The following RASSF3 variants were observed in gnomAD, a reference collection of about 807,000 sequenced individuals.
The protein encoded by RASSF3 is ras association domain-containing protein 3.
A neutral mutation model predicts 19.9 loss-of-function variants in RASSF3; 19 were observed. The observed-to-expected ratio is 0.96, with a 90% CI of 0.67 to 1.40. The LOEUF is 1.40. Ranked by LOEUF, RASSF3 falls within the 40% of genes most tolerant of loss-of-function variation. The probability of loss-of-function intolerance (pLI) is 0.00; values close to 1 mark genes in which losing one functional copy is unlikely to be tolerated. For missense variants in RASSF3, 306 were observed against 289.8 expected, an observed-to-expected ratio of 1.06 and a Z score of -0.41; for synonymous variants, 110 against 104.2, an observed-to-expected ratio of 1.06 and a Z score of -0.34.
chr12:64,508,385 C>T (rs1247318556), intron 1 of RASSF3, among the ~76,000 whole-genome samples: 2 of 151,556 alleles, frequency 1.3e-5, no homozygotes, highest in Admixed American at 6.6e-5. Flanking sequence ...GGCATGGTGG[C>T]TGGTGCCTGT....
chr12:64,539,661 A>G (rs949411186), intron 1 of RASSF3, among the ~76,000 whole-genome samples: 2 of 152,082 alleles, frequency 1.3e-5, no homozygotes, highest in Non-Finnish European at 2.9e-5. Flanking sequence ...CTGTAGTCAC[A>G]GCTACTTCAG....
intron 1 of RASSF3, among the ~76,000 whole-genome samples, chr12:64,664,314 T>A (rs1872475661): frequency 1.3e-5 from 2 of 152,176 alleles, no homozygotes; most frequent in Non-Finnish European, 2.9e-5. Flanking sequence ...ATGCTGCATT[T>A]CAGAAGTATT....
chr12:64,687,488 T>G (rs983087655), intron 2 of RASSF3, among the ~76,000 whole-genome samples: 4 of 151,898 alleles, frequency 2.6e-5, no homozygotes, highest in Non-Finnish European at 5.9e-5. Flanking sequence ...TTTGTTTTTT[T>G]TTTTGAGACA....
chr12:64,643,656 C>G (rs1265477946), intron 1 of RASSF3, among the ~76,000 whole-genome samples: 2 of 151,988 alleles, frequency 1.3e-5, no homozygotes. Context: ...CCGGAATGAT[C>G]TACTCTGGGT....
chr12:64,542,706 A>G (rs1245650588), downstream of RASSF3, among the ~76,000 whole-genome samples: 1 of 152,240 alleles, frequency 6.6e-6, no homozygotes, highest in East Asian at 1.9e-4. Context: ...CCTGAGCAAC[A>G]TGGCAAAACC....
At chr12:64,686,103 A>G (rs1398309082) in intron 2 of RASSF3, among the ~76,000 whole-genome samples, 5 of 152,174 alleles carry the variant, frequency 3.3e-5, no homozygotes, top group Non-Finnish European at 5.9e-5. Context: ...GAGAATCCCA[A>G]GATAACTCTT....
intron 4 of RASSF3, among the ~76,000 whole-genome samples, chr12:64,692,778 C>T (rs775787224): frequency 3.3e-5 from 5 of 152,148 alleles, no homozygotes; most frequent in Admixed American, 2.0e-4. Context: ...GGTCTCACTA[C>T]GTTGCCCAAG....
chr12:64,675,072 T>G (rs1178873699), intron 1 of RASSF3, among the ~76,000 whole-genome samples: 1 of 53,022 alleles, frequency 1.9e-5, no homozygotes, highest in Non-Finnish European at 3.8e-5. Context: ...CACCCCGGCT[T>G]CTTGCTTAAC....
In RASSF3 at chr12:64,631,307, C is replaced by T. The variant is rs140875067; in HGVS notation, c.111+20564C>T. Among the ~76,000 whole-genome samples, 509 of 152,176 alleles carry T rather than the reference C, an allele frequency of 3.3e-3. 5 individuals are homozygous for T. The highest frequency in any genetic ancestry group is 0.012 in the African/African-American group (488 of 41,520). ...AAGTGCTTCAGAAAAGCCAAGAAGG[C>T]CTGGGGTGGAACTGTGTGGCAGTCT... On this transcript the variant is annotated intron_variant, in intron 1 of 4. Coordinates refer to ENST00000542104, the MANE Select transcript of RASSF3 (RefSeq NM_178169.4).
intron 1 of RASSF3, among the ~76,000 whole-genome samples, chr12:64,541,073 C>T (rs557883245): frequency 8.6e-4 from 128 of 148,808 alleles, no homozygotes; most frequent in African/African-American, 3.0e-3. Flanking sequence ...GGAACCTCCA[C>T]CTCCCAGGTT....
intron 1 of RASSF3, among the ~76,000 whole-genome samples, chr12:64,682,594 G>A (rs1207795308): frequency 2.7e-5 from 4 of 150,430 alleles, no homozygotes; most frequent in African/African-American, 9.8e-5. Flanking sequence ...AAAAGTCACC[G>A]AGATAATTTG....
chr12:64,517,654 T>C (rs536088755), intron 1 of RASSF3, among the ~76,000 whole-genome samples: 31 of 151,836 alleles, frequency 2.0e-4, no homozygotes, highest in African/African-American at 6.8e-4. Context: ...GGTCTTGTTC[T>C]GTCACCCGGG....
At chr12:64,600,398 C>A (rs542599371) in intron 2 of RASSF3, among the ~76,000 whole-genome samples, 5 of 152,260 alleles carry the variant, frequency 3.3e-5, no homozygotes, top group Admixed American at 3.3e-4. Flanking sequence ...TAAACTAGTA[C>A]TTTAATGAGC....
chr12:64,633,078 A>C, intron 1 of RASSF3, among the ~76,000 whole-genome samples: 1 of 152,112 alleles, frequency 6.6e-6, no homozygotes, highest in East Asian at 1.9e-4. Flanking sequence ...TTTTTTTCCT[A>C]TCAGGTTAAA....
chr12:64,584,516 A>AG, intron 2 of RASSF3, among the ~76,000 whole-genome samples: 1 of 151,610 alleles, frequency 6.6e-6, no homozygotes, highest in East Asian at 1.9e-4. Context: ...AAAAAAAAAA[A>AG]AAAAAAAGCT....
chr12:64,563,173 A>ATT (rs111541685), intron 2 of RASSF3, among the ~76,000 whole-genome samples: 18 of 145,574 alleles, frequency 1.2e-4, no homozygotes, highest in African/African-American at 4.3e-4. Context: ...TTTTATTTTT[A>ATT]TTTTTTTTTT....
intron 1 of RASSF3, among the ~76,000 whole-genome samples, chr12:64,625,729 C>T (rs938224774): frequency 5.4e-5 from 8 of 147,840 alleles, no homozygotes; most frequent in Non-Finnish European, 9.0e-5. Flanking sequence ...GTTCCCTGGC[C>T]GTGGCTGGGT....
At chr12:64,626,260 T>C (rs2136169053) in intron 1 of RASSF3, among the ~76,000 whole-genome samples, 1 of 151,934 alleles carries the variant, frequency 6.6e-6, no homozygotes, top group Non-Finnish European at 1.5e-5. Flanking sequence ...TTCTGCCGGG[T>C]GTGGTGGCTC....
rs1565874751 is a variant in RASSF3, at chr12:64,695,743, A to T, written c.*831A>T. The T allele has an allele frequency of 6.6e-6, 1 of 152,228 alleles. No homozygotes were observed. The highest frequency in any genetic ancestry group is 1.5e-5 in the Non-Finnish European group (1 of 68,122). 9.4% of individuals were successfully genotyped at this position (152,228 alleles called of 1,614,324 possible). Reference sequence around the variant, plus strand: ...AGAATCAGGCAGGTGTAGCCTACTGACCTGGGCAGAGGTGGGCCTCACGCA... The same window carrying T: ...AGAATCAGGCAGGTGTAGCCTACTGTCCTGGGCAGAGGTGGGCCTCACGCA... On this transcript the variant is annotated 3_prime_UTR_variant, in exon 5 of 5. Transcript: ENST00000542104.
Sources: allele counts gnomAD v4.1 joint callset (sites outside exome capture counted in the v4.1 genomes callset), GRCh38; gene constraint gnomAD v4.1.1; transcripts MANE v1.5; gene names NCBI Gene and HGNC (gene_info 2026-07-23, HGNC 2026-07-21).